The following GLRA2 variants were observed in gnomAD, a reference collection of about 807,000 sequenced individuals.
GLRA2 encodes the protein glycine receptor alpha 2, also known as glycine receptor subunit alpha-2.
A neutral mutation model predicts 31.6 loss-of-function variants in GLRA2; 11 were observed. The observed-to-expected ratio is 0.35, with a 90% CI of 0.22 to 0.58. The LOEUF is 0.58. Among genes scored for constraint, GLRA2 ranks in the 20% least tolerant of loss-of-function variants. The probability of loss-of-function intolerance (pLI) is 0.84; values close to 1 mark genes in which losing one functional copy is unlikely to be tolerated. For missense variants in GLRA2, 212 were observed against 351.8 expected (o/e 0.60, Z 3.18); for synonymous variants, 132 against 134.0 (o/e 0.99, Z 0.10).
At chrX:14,579,654 C>T (rs1349385315) in intron 3 of GLRA2, among the ~76,000 whole-genome samples, 2 of 111,902 alleles carry the variant, frequency 1.8e-5, no homozygotes, top group Admixed American at 9.5e-5. Flanking sequence ...TTTAAACAAA[C>T]ATATAAGGTG....
At chrX:14,668,408 C>A (rs1485161518) in intron 7 of GLRA2, among the ~76,000 whole-genome samples, 1 of 112,077 alleles carries the variant, frequency 8.9e-6, no homozygotes, top group Non-Finnish European at 1.9e-5. Flanking sequence ...AGACACGAAT[C>A]ATTGGGGCCC....
chrX:14,494,701 T>C, the GLRA2 span, among the ~76,000 whole-genome samples: 2 of 111,508 alleles, frequency 1.8e-5, no homozygotes, highest in Admixed American at 1.9e-4. Context: ...GAAGAGACGG[T>C]TGTCTTGCTC....
chrX:14,585,552 A>AG (rs894219922), intron 4 of GLRA2, among the ~76,000 whole-genome samples: 11 of 111,512 alleles, frequency 9.9e-5, no homozygotes, highest in African/African-American at 3.6e-4. Flanking sequence ...TTTAAGGCCA[A>AG]GGGGGGTACA....
At chrX:14,500,818 T>C in the GLRA2 span, among the ~76,000 whole-genome samples, 1 of 111,218 alleles carries the variant, frequency 9.0e-6, no homozygotes, top group Non-Finnish European at 1.9e-5. Flanking sequence ...GGTGATCATC[T>C]TGACACTGTA....
At chrX:14,461,138 G>A in the GLRA2 span, among the ~76,000 whole-genome samples, 10 of 112,228 alleles carry the variant, frequency 8.9e-5, no homozygotes, top group Non-Finnish European at 1.5e-4. Flanking sequence ...TTCAGGAGCA[G>A]GTTGTTCAGT....
At chrX:14,641,629 T>C (rs944993744) in intron 7 of GLRA2, among the ~76,000 whole-genome samples, 5 of 111,730 alleles carry the variant, frequency 4.5e-5, no homozygotes, top group East Asian at 2.8e-4. Flanking sequence ...GCCTAGTACA[T>C]TGAAAGCCCT....
chrX:14,479,668 C>T, the GLRA2 span, among the ~76,000 whole-genome samples: 3 of 111,435 alleles, frequency 2.7e-5, no homozygotes, highest in South Asian at 7.6e-4. Flanking sequence ...GGATAATGGC[C>T]TCTAGCTGCA....
At chrX:14,557,507 A>G (rs894166917) in intron 2 of GLRA2, among the ~76,000 whole-genome samples, 1 of 112,520 alleles carries the variant, frequency 8.9e-6, no homozygotes, top group East Asian at 2.8e-4. Flanking sequence ...ACCAAGAAAT[A>G]TTTTAATATG....
intron 8 of GLRA2, among the ~76,000 whole-genome samples, chrX:14,717,740 T>TAAA (rs199836154): frequency 6.4e-5 from 5 of 78,338 alleles, no homozygotes; most frequent in South Asian, 1.2e-3. Flanking sequence ...TTCTGTAAAG[T>TAAA]AAAAAAAAAA....
intron 2 of GLRA2, among the ~76,000 whole-genome samples, chrX:14,539,777 T>C (rs1383145870): frequency 8.9e-6 from 1 of 112,159 alleles, no homozygotes; most frequent in African/African-American, 3.2e-5. Flanking sequence ...CATCTTCACC[T>C]ATCTGTGAAG....
chrX:14,605,384 C>G (rs1001806181), intron 5 of GLRA2, among the ~76,000 whole-genome samples: 9 of 111,644 alleles, frequency 8.1e-5, no homozygotes, highest in African/African-American at 2.9e-4. Context: ...AATGATGAAA[C>G]CTCTTTATCT....
At chrX:14,463,017 C>A in the GLRA2 span, among the ~76,000 whole-genome samples, 16 of 111,700 alleles carry the variant, frequency 1.4e-4, no homozygotes, top group South Asian at 4.2e-3. Flanking sequence ...TGGTGACCTA[C>A]AATTGGGGTT....
chrX:14,457,358 A>G, the GLRA2 span, among the ~76,000 whole-genome samples: 1 of 74,957 alleles, frequency 1.3e-5, no homozygotes, highest in Non-Finnish European at 2.6e-5. Flanking sequence ...CTAGCCCCCC[A>G]CCCCCCACGG....
chrX:14,486,421 A>G, the GLRA2 span, among the ~76,000 whole-genome samples: 1 of 112,052 alleles, frequency 8.9e-6, no homozygotes, highest in Non-Finnish European at 1.9e-5. Context: ...CCTGTTCAAT[A>G]AATAGACCAT....
At chrX:14,593,207 G>GAA (rs908294489) in intron 4 of GLRA2, among the ~76,000 whole-genome samples, 8 of 109,898 alleles carry the variant, frequency 7.3e-5, no homozygotes, top group African/African-American at 2.3e-4. Context: ...TTTTAAAATG[G>GAA]AAAAAAAAAT....
chrX:14,578,099 A>C (rs770550102), intron 3 of GLRA2, among the ~76,000 whole-genome samples: 9 of 112,063 alleles, frequency 8.0e-5, no homozygotes, highest in Non-Finnish European at 1.7e-4. Flanking sequence ...TTGAGTTTCT[A>C]AACCTGTTGA....
intron 8 of GLRA2, among the ~76,000 whole-genome samples, chrX:14,700,989 A>G (rs1386986275): frequency 9.1e-6 from 1 of 109,994 alleles, no homozygotes; most frequent in Non-Finnish European, 1.9e-5. Flanking sequence ...AAAAGAAGGA[A>G]TAAGAATAAG....
the GLRA2 span, among the ~76,000 whole-genome samples, chrX:14,512,449 G>C: frequency 9.0e-6 from 1 of 111,175 alleles, no homozygotes; most frequent in Non-Finnish European, 1.9e-5. Flanking sequence ...AGAAATAAAG[G>C]GCATCCAAAT....
intron 4 of GLRA2, among the ~76,000 whole-genome samples, chrX:14,590,106 C>T (rs2090130551): frequency 9.0e-6 from 1 of 111,581 alleles, no homozygotes; most frequent in African/African-American, 3.3e-5. Context: ...CATCATCAAC[C>T]TTTATCTGAC....
Sources: gnomAD v4.1 joint callset for allele counts (sites outside exome capture counted in the v4.1 genomes callset) on GRCh38, gnomAD v4.1.1 for gene constraint, MANE v1.5 for transcripts, NCBI Gene and HGNC (gene_info 2026-07-23, HGNC 2026-07-21) for gene names.